RBFOX1: variants seen among roughly 807,000 people sequenced by gnomAD.
RBFOX1 encodes the protein RNA binding fox-1 homolog 1, also known as RNA binding protein fox-1 homolog 1.
A neutral mutation model predicts 57.7 loss-of-function variants in RBFOX1; 8 were observed. That is an observed-to-expected ratio of 0.14 (90% CI 0.08 to 0.25). The LOEUF is 0.25. Ranked by LOEUF, RBFOX1 falls within the 10% of genes least tolerant of loss-of-function variation. The pLI is 1.00. For synonymous variants in RBFOX1, 326 were observed against 222.4 expected (o/e 1.47, Z -4.15); for missense variants, 611 against 548.5 (o/e 1.11, Z -1.14).
chr16:6,995,697 G>T (rs553619841), intron 3 of RBFOX1, among the ~76,000 whole-genome samples: 2 of 151,956 alleles, frequency 1.3e-5, no homozygotes, highest in African/African-American at 4.8e-5. Context: ...GAGCACAGAG[G>T]TTGCAGTGAG....
chr16:7,011,876 A>G (rs1040957414), intron 3 of RBFOX1, among the ~76,000 whole-genome samples: 10 of 152,122 alleles, frequency 6.6e-5, no homozygotes, highest in African/African-American at 2.4e-4. Flanking sequence ...ATGCCTTTGG[A>G]TGATGTTAGC....
intron 4 of RBFOX1, among the ~76,000 whole-genome samples, chr16:7,263,764 C>T (rs1338227241): frequency 6.6e-6 from 1 of 152,026 alleles, no homozygotes; most frequent in South Asian, 2.1e-4. Flanking sequence ...GGTGTGGTGG[C>T]ACGTGCCTGT....
At chr16:7,347,328 G>C (rs1038276251) in intron 4 of RBFOX1, among the ~76,000 whole-genome samples, 1 of 152,142 alleles carries the variant, frequency 6.6e-6, no homozygotes, top group African/African-American at 2.4e-5. Context: ...ATGTTGGAAG[G>C]TAAAAGACAT....
chr16:6,445,366 C>G (rs553796297), intron 2 of RBFOX1, among the ~76,000 whole-genome samples: 1 of 152,082 alleles, frequency 6.6e-6, no homozygotes, highest in Non-Finnish European at 1.5e-5. Flanking sequence ...AGGGAGACAT[C>G]TGGTCAACTA....
At chr16:6,465,585 T>C (rs923921720) in intron 2 of RBFOX1, among the ~76,000 whole-genome samples, 3 of 147,300 alleles carry the variant, frequency 2.0e-5, no homozygotes, top group Non-Finnish European at 4.4e-5. Context: ...TTCTCAGTTA[T>C]AGATGTATAG....
intron 2 of RBFOX1, among the ~76,000 whole-genome samples, chr16:6,454,762 G>A (rs892792313): frequency 1.3e-5 from 2 of 151,546 alleles, no homozygotes; most frequent in Non-Finnish European, 2.9e-5. Flanking sequence ...AGTGAGAAGA[G>A]GCACACATCT....
At chr16:7,674,021 T>C (rs753186733) in intron 13 of RBFOX1, among the ~76,000 whole-genome samples, 2 of 152,200 alleles carry the variant, frequency 1.3e-5, no homozygotes, top group African/African-American at 4.8e-5. Context: ...TACAGAGCGA[T>C]AAAATTGATT....
chr16:5,699,963 G>A (rs1255423529), intron 3 of RBFOX1, among the ~76,000 whole-genome samples: 1 of 152,128 alleles, frequency 6.6e-6, no homozygotes, highest in East Asian at 1.9e-4. Context: ...CTCCTGAGTA[G>A]CTGGGACTAC....
At chr16:5,246,480 C>T (rs2062303207) in intron 1 of RBFOX1, among the ~76,000 whole-genome samples, 1 of 152,080 alleles carries the variant, frequency 6.6e-6, no homozygotes, top group Non-Finnish European at 1.5e-5. Flanking sequence ...AAAAAATCTA[C>T]TCTCTTAGTG....
At chr16:6,513,741 A>G (rs1451127152) in intron 2 of RBFOX1, among the ~76,000 whole-genome samples, 1 of 146,950 alleles carries the variant, frequency 6.8e-6, no homozygotes, top group East Asian at 1.9e-4. Flanking sequence ...TCTCAAAAAC[A>G]AACAAACAAA....
chr16:7,040,136 T>C (rs1216954805), intron 3 of RBFOX1, among the ~76,000 whole-genome samples: 1 of 152,052 alleles, frequency 6.6e-6, no homozygotes, highest in Non-Finnish European at 1.5e-5. Context: ...TTCTCCTGCC[T>C]CAGCCTCCCG....
intron 2 of RBFOX1, among the ~76,000 whole-genome samples, chr16:5,598,196 G>A (rs1488018225): frequency 6.6e-6 from 1 of 151,228 alleles, no homozygotes; most frequent in Non-Finnish European, 1.5e-5. Context: ...AACTTGGGAG[G>A]TTGAGTGACA....
intron 1 of RBFOX1, among the ~76,000 whole-genome samples, chr16:5,265,913 C>T (rs1302789156): frequency 6.6e-6 from 1 of 152,046 alleles, no homozygotes; most frequent in Non-Finnish European, 1.5e-5. Flanking sequence ...GTACAAAATT[C>T]CCATGTGAAT....
At chr16:6,600,909 C>G (rs1365014071) in intron 2 of RBFOX1, among the ~76,000 whole-genome samples, 1 of 152,086 alleles carries the variant, frequency 6.6e-6, no homozygotes, top group African/African-American at 2.4e-5. Context: ...TCTAATATGA[C>G]TAAACAAAGT....
chr16:6,021,683 G>C (rs1302693077), intron 1 of RBFOX1, among the ~76,000 whole-genome samples: 1 of 152,170 alleles, frequency 6.6e-6, no homozygotes, highest in Non-Finnish European at 1.5e-5. Context: ...ACACCTTAGG[G>C]GTCCAGAGAG....
chr16:5,767,006 T>G (rs986774695), intron 3 of RBFOX1, among the ~76,000 whole-genome samples: 1 of 152,242 alleles, frequency 6.6e-6, no homozygotes, highest in African/African-American at 2.4e-5. Flanking sequence ...TCTGTTAGTT[T>G]GCTTCTGGGT....
At chr16:5,658,515 C>T (rs886710951) in intron 3 of RBFOX1, among the ~76,000 whole-genome samples, 6 of 152,072 alleles carry the variant, frequency 3.9e-5, no homozygotes, top group African/African-American at 7.2e-5. Flanking sequence ...ATTTAACTCA[C>T]TCTGTATGGG....
chr16:7,356,102 G>A (rs764425018), intron 4 of RBFOX1, among the ~76,000 whole-genome samples: 12 of 152,302 alleles, frequency 7.9e-5, no homozygotes, highest in South Asian at 4.1e-4. Context: ...ATTGATTGAC[G>A]CATTGTCATC....
chr16:6,786,083 G>T (rs1000053842), intron 3 of RBFOX1, among the ~76,000 whole-genome samples: 3 of 152,206 alleles, frequency 2.0e-5, no homozygotes, highest in African/African-American at 4.8e-5. Flanking sequence ...AGCCTGTTCA[G>T]GGCCTGGAGT....
Sources: allele counts gnomAD v4.1 joint callset (sites outside exome capture counted in the v4.1 genomes callset), GRCh38; gene constraint gnomAD v4.1.1; transcripts MANE v1.5; gene names NCBI Gene and HGNC (gene_info 2026-07-23, HGNC 2026-07-21).